The following THUMPD2 variants were observed in gnomAD, a reference collection of about 807,000 sequenced individuals.
THUMPD2 encodes the protein U6 snRNA (guanine-N(2))-methyltransferase THUMPD2.
A neutral mutation model predicts 49.4 loss-of-function variants in THUMPD2; 56 were observed. That is an observed-to-expected ratio of 1.13 (90% CI 0.91 to 1.41). THUMPD2 has a LOEUF of 1.41. Among genes scored for constraint, THUMPD2 ranks in the 40% most tolerant of loss-of-function variants. The pLI, the probability that THUMPD2 is intolerant of heterozygous loss-of-function variation, is 0.00. For synonymous variants in THUMPD2, 237 were observed against 205.2 expected (o/e 1.15, Z -1.32); for missense variants, 709 against 594.5 (o/e 1.19, Z -2.00).
Position 39,736,567 on chromosome 2 carries a change from A to G in THUMPD2, c.*168T>C. ...AAAACATTAAGTACTTTAGAATATA[A>G]AGCAGAAACTCTTACCAAGCATGTG... is the stretch of plus-strand genomic sequence containing the variant. On this transcript the variant is annotated 3_prime_UTR_variant, in exon 10 of 10. Coordinates refer to ENST00000505747, the MANE Select transcript of THUMPD2 (RefSeq NM_025264.5). 1.9e-6 allele frequency: 1 copy of G among 516,514 alleles called. No individual in the cohort carries two copies. The highest frequency in any genetic ancestry group is 3.3e-6 in the Non-Finnish European group (1 of 298,998). The allele number at this position is 516,514 out of a possible 1,614,324, so 32.0% of individuals were successfully genotyped here. A position where few individuals can be genotyped will look rare whatever the true frequency, so the allele number is the denominator to read the frequency against.
At chr2:39,770,934 T>C (rs1678228130) in intron 2 of THUMPD2, among the ~76,000 whole-genome samples, 1 of 152,150 alleles carries the variant, frequency 6.6e-6, no homozygotes, top group African/African-American at 2.4e-5. Flanking sequence ...TGACCATGTT[T>C]TGCTGCTTTT....
Position 39,736,762 on chromosome 2 carries a change from A to G in THUMPD2, c.1485T>C (p.Tyr495=), listed in dbSNP as rs1258407266. The G allele has an allele frequency of 2.5e-6, 4 of 1,614,024 alleles. No homozygotes were observed. In the Admixed American group the frequency reaches 5.0e-5, roughly 20 times the overall value. Residue 495 remains tyrosine (Y), a synonymous_variant, in exon 10 of 10, where the codon TAT becomes TAC. Coordinates refer to ENST00000505747, the MANE Select transcript of THUMPD2 (RefSeq NM_025264.5). ...ACAGTCCAGAAGAGTGCGACTTCTT[A>G]TATTTACATATGAACGCATCTGTCT... ...LGKTDAFICK[Y]KKSHSSGL
chr2:39,776,671 A>G (rs1679147942), intron 1 of THUMPD2, among the ~76,000 whole-genome samples: 1 of 152,172 alleles, frequency 6.6e-6, no homozygotes, highest in Admixed American at 6.5e-5. Flanking sequence ...GATTACAGGC[A>G]TGAGCCACTA....
chr2:39,744,971 G>T (rs1385296644), intron 8 of THUMPD2, among the ~76,000 whole-genome samples: 9 of 152,036 alleles, frequency 5.9e-5, no homozygotes. Context: ...TAGAGAAAAG[G>T]CTACATAATC....
At chr2:39,778,947 C>T (rs767311522) in intron 1 of THUMPD2, among the ~76,000 whole-genome samples, 167 bp downstream of exon 1, 2 of 152,230 alleles carry the variant, frequency 1.3e-5, no homozygotes, top group African/African-American at 4.8e-5. Context: ...ATGGTGGCTT[C>T]TCTCGGCCGG....
intron 9 of THUMPD2, 82 bp from the exon 10 acceptor site, chr2:39,737,141 GTTT>G (rs1673193758): frequency 7.7e-7 from 1 of 1,294,110 alleles, no homozygotes; most frequent in African/African-American, 1.5e-5. Context: ...AATGGTTCAT[GTTT>G]TTAATTTGAA....
At chr2:39,766,222 C>T in intron 4 of THUMPD2, 113 bp from the exon 5 acceptor site, 2 of 698,390 alleles carry the variant, frequency 2.9e-6, no homozygotes, top group South Asian at 5.1e-5. Context: ...AAAAGAAACT[C>T]CAAGGCCTTA....
intron 8 of THUMPD2, among the ~76,000 whole-genome samples, chr2:39,751,016 T>C (rs536366066): frequency 1.3e-5 from 2 of 152,384 alleles, no homozygotes; most frequent in African/African-American, 4.8e-5. Context: ...GATAAAGCTT[T>C]AGCAGCAAGA....
rs6727026 is a variant in THUMPD2, at chr2:39,759,675, G to C, written c.891+1656C>G. ...GTTTCCAAAAAGAAGGAACAAAGTA[G>C]TTATAAAGGAAAAGAAAAAATCCCA... On this transcript the variant is annotated intron_variant, in intron 6 of 9. Coordinates refer to ENST00000505747, the MANE Select transcript of THUMPD2 (RefSeq NM_025264.5). Among the ~76,000 whole-genome samples, 768 of 152,260 alleles carry C rather than the reference G, an allele frequency of 5.0e-3. 8 individuals are homozygous for C. Among genetic ancestry groups the C allele is most frequent in the African/African-American group, 0.017 (713 of 41,552 alleles).
chr2:39,771,330 T>C (rs553879017), intron 2 of THUMPD2, among the ~76,000 whole-genome samples, 175 bp downstream of exon 2: 1 of 152,134 alleles, frequency 6.6e-6, no homozygotes, highest in South Asian at 2.1e-4. Flanking sequence ...AGAGAAGAAA[T>C]ATTCTACTAC....
rs1220200605 is a variant in THUMPD2 at position 39,779,062 on chromosome 2, G to A, written c.126+52C>T. 1.9e-5 allele frequency: 28 copies of A among 1,446,644 alleles called. No homozygotes were observed. In the Admixed American group the frequency reaches 7.0e-4, roughly 36 times the overall value. 89.6% of individuals were successfully genotyped at this position (1,446,644 alleles called of 1,614,324 possible). A position where few individuals can be genotyped will look rare whatever the true frequency, so the allele number is the denominator to read the frequency against. On this transcript the variant is annotated intron_variant, in intron 1 of 9. Coordinates refer to ENST00000505747, the MANE Select transcript of THUMPD2 (RefSeq NM_025264.5). ...GCGTCCACGACTGGGGTGGGCAACA[G>A]GGCAGGGACAGGGCCGCCCACCTCC...
intron 5 of THUMPD2, among the ~76,000 whole-genome samples, chr2:39,765,466 A>C (rs1018920429): frequency 1.6e-4 from 25 of 152,016 alleles, no homozygotes; most frequent in Admixed American, 6.6e-5. Context: ...TCCCTAAGTA[A>C]ATTTTTTAGA....
At chr2:39,740,434 T>G (rs536581551) in intron 9 of THUMPD2, among the ~76,000 whole-genome samples, 2 of 152,290 alleles carry the variant, frequency 1.3e-5, no homozygotes, top group Non-Finnish European at 2.9e-5. Context: ...TAAACATGTA[T>G]CCTTTTGTGC....
intron 6 of THUMPD2, among the ~76,000 whole-genome samples, chr2:39,758,821 T>G (rs375756537): frequency 6.7e-6 from 1 of 150,076 alleles, no homozygotes. Context: ...CCTCAGTAGT[T>G]TTAGAGTAAA....
At chr2:39,762,806 TGGGAAACCA>T (rs1340878087) in intron 5 of THUMPD2, among the ~76,000 whole-genome samples, 2 of 150,680 alleles carry the variant, frequency 1.3e-5, no homozygotes, top group Non-Finnish European at 3.0e-5. Context: ...AGACGCAGTA[TGGGAAACCA>T]GCTTTGTCCA....
At chr2:39,745,237 T>G (rs559681806) in intron 8 of THUMPD2, among the ~76,000 whole-genome samples, 4 of 152,292 alleles carry the variant, frequency 2.6e-5, no homozygotes, top group African/African-American at 9.6e-5. Context: ...TTTGCAGAAA[T>G]GTAATGAAAT....
chr2:39,769,846 G>C lies in THUMPD2; in HGVS notation c.536C>G (p.Thr179Ser). 1 of 1,612,168 alleles carries C rather than the reference G, an allele frequency of 6.2e-7. No individual in the cohort carries two copies. The highest frequency in any genetic ancestry group is 2.2e-5 in the East Asian group (1 of 44,698). The change falls in exon 3 of 10, where the codon ACT (threonine) becomes AGT (serine). Residue 179 changes from threonine (T) to serine (S), a missense_variant. Physicochemically the swap from Thr to Ser is moderately conservative, Grantham distance 58 (BLOSUM62 1). Coordinates refer to ENST00000505747, the MANE Select transcript of THUMPD2 (RefSeq NM_025264.5). Reference protein sequence around the residue: ...EETLEQRDFTTKSEKFQEEEF... With the variant: ...EETLEQRDFTSKSEKFQEEEF... ...TTCTTCTTGAAACTTTTCGCTTTTAGTGGTAAAATCTCTTTGCTCCAGAGT... is the reference window on the plus strand; with the variant it reads ...TTCTTCTTGAAACTTTTCGCTTTTACTGGTAAAATCTCTTTGCTCCAGAGT...
intron 9 of THUMPD2, among the ~76,000 whole-genome samples, chr2:39,740,715 ATTTCT>A (rs536771636): frequency 4.8e-4 from 73 of 151,356 alleles, no homozygotes; most frequent in African/African-American, 1.6e-3. Flanking sequence ...TATACACATA[ATTTCT>A]TTTCTTTTCT....
chr2:39,755,621 C>G (rs770555971), intron 7 of THUMPD2, among the ~76,000 whole-genome samples: 3 of 152,106 alleles, frequency 2.0e-5, no homozygotes, highest in Non-Finnish European at 4.4e-5. Context: ...TTTACAATGA[C>G]AAGTGTCTAA....
Sources: allele counts gnomAD v4.1 joint callset (sites outside exome capture counted in the v4.1 genomes callset), GRCh38; gene constraint gnomAD v4.1.1; transcripts MANE v1.5; gene names NCBI Gene and HGNC (gene_info 2026-07-23, HGNC 2026-07-21).